Variants in FSCB observed in about 807,000 individuals in gnomAD.
The protein encoded by FSCB is fibrous sheath CABYR-binding protein.
For synonymous variants in FSCB, 331 were observed against 336.6 expected (o/e 0.98, Z 0.18); for missense variants, 975 against 934.8 (o/e 1.04, Z -0.56).
chr14:44,504,740 C>T lies in FSCB; in HGVS notation c.2248G>A (p.Glu750Lys), dbSNP rs189118258. 8.1e-6 allele frequency: 13 copies of T among 1,614,204 alleles called. No homozygotes were observed. In the East Asian group the frequency reaches 2.9e-4, roughly 36 times the overall value. The change falls in exon 1 of 1, where the codon GAG becomes AAG. Residue 750 changes from glutamate to lysine, a missense_variant. Transcript: ENST00000340446. ...GTAGACACATTCTCTACCAGAGCCTCATCTTCAGGGGTTTGTTCAGATGGT... is the reference window on the plus strand; with the variant it reads ...GTAGACACATTCTCTACCAGAGCCTTATCTTCAGGGGTTTGTTCAGATGGT... Reference protein sequence around the residue: ...PPPSEQTPEDEALVENVSTEF... With the variant: ...PPPSEQTPEDKALVENVSTEF...
chr14:44,504,753 T>G lies in FSCB; in HGVS notation c.2235A>C (p.Gln745His). 6.2e-7 allele frequency: 1 copy of G among 1,614,206 alleles called. No individual in the cohort carries two copies. The highest frequency in any genetic ancestry group is 8.5e-7 in the Non-Finnish European group (1 of 1,180,044). Residue 745 changes from glutamine to histidine, a missense_variant, in exon 1 of 1, where the codon CAA becomes CAC. Gln to His is a conservative substitution (Grantham distance 24, BLOSUM62 0). Coordinates refer to ENST00000340446, the MANE Select transcript of FSCB (RefSeq NM_032135.4). The part of the protein sequence containing the change: ...SAEVSPPPSE[Q>H]TPEDEALVEN... Reference sequence around the variant, plus strand: ...CTACCAGAGCCTCATCTTCAGGGGTTTGTTCAGATGGTGGAGGTGAAACTT... The same window carrying G: ...CTACCAGAGCCTCATCTTCAGGGGTGTGTTCAGATGGTGGAGGTGAAACTT...
the FSCB span, chr14:44,505,622 C>A: frequency 6.2e-7 from 1 of 1,613,444 alleles, no homozygotes; most frequent in East Asian, 2.2e-5. Context: ...GACTGAAATT[C>A]AGTAGGAGCC....
In FSCB at chr14:44,504,347, G is replaced by T; in HGVS notation, c.*163C>A. ...ATGAAATTAACACAAGTAATTTTAT[G>T]CTGCTACAGTTTTTATTGTTCATTT... On this transcript the variant is annotated 3_prime_UTR_variant, in exon 1 of 1. Coordinates refer to ENST00000340446, the MANE Select transcript of FSCB (RefSeq NM_032135.4). 1 of 474,230 alleles carries T rather than the reference G, an allele frequency of 2.1e-6. No homozygotes were observed. The highest frequency in any genetic ancestry group is 3.3e-5 in the East Asian group (1 of 30,728). The allele number at this position is 474,230 out of a possible 1,614,324, so 29.4% of individuals were successfully genotyped here.
chr14:44,505,308 C>A lies in FSCB; in HGVS notation c.1680G>T (p.Gln560His), dbSNP rs747361133. ...TSAEEAPAEV[Q>H]SPSAKGVSIE... ...TAGAAACTCCCTTAGCTGATGGAGA[C>A]TGAACTTCAGCAGGAGCCTCTTCTG... Residue 560 changes from glutamine to histidine, a missense_variant, in exon 1 of 1, where the codon CAG becomes CAT. Coordinates refer to ENST00000340446, the MANE Select transcript of FSCB (RefSeq NM_032135.4). The A allele has an allele frequency of 1.9e-6, 3 of 1,613,112 alleles. No homozygotes were observed. Among genetic ancestry groups the A allele is most frequent in the South Asian group, 2.2e-5 (2 of 91,028 alleles).
chr14:44,506,768 G>A, the FSCB span: 2,690 of 1,614,056 alleles, frequency 1.7e-3, 1 homozygote, highest in Non-Finnish European at 2.0e-3. Flanking sequence ...GTGTCTGTCT[G>A]GAGAGACTTA....
rs746081504 is a variant in FSCB at position 44,505,693 on chromosome 14, G to T, written c.1295C>A (p.Ala432Asp). The T allele has an allele frequency of 2.5e-6, 4 of 1,613,590 alleles. No homozygotes were observed. The African/African-American group carries it at 5.3e-5, about 22-fold the overall frequency. Residue 432 changes from alanine (A) to aspartate (D), a missense_variant, in exon 1 of 1, where the codon GCT becomes GAT. By Grantham distance (126) the Ala-to-Asp change is moderately radical. Coordinates refer to ENST00000340446, the MANE Select transcript of FSCB (RefSeq NM_032135.4). ...AAGTTCTCGAGCCTCTTCTCTAGGA[G>T]CCTCTTCAGGTAATAGAGGCTGAAC... Reference protein sequence around the residue: ...ADVQPLLPEEAPREEARELQL... With the variant: ...ADVQPLLPEEDPREEARELQL...
rs1309545677 is a variant in FSCB, at chr14:44,506,817, T to A, written c.171A>T (p.Gln57His). 1 of 1,614,108 alleles carries A rather than the reference T, an allele frequency of 6.2e-7. No homozygotes were observed. Among genetic ancestry groups the A allele is most frequent in the Non-Finnish European group, 8.5e-7 (1 of 1,179,960 alleles). Residue 57 changes from glutamine to histidine, a missense_variant, in exon 1 of 1, where the codon CAA becomes CAT. By Grantham distance (24) the Gln-to-His change is conservative (BLOSUM62 0). Transcript: ENST00000340446. ...GTCCATGCTTTCTCTTTGTCCAAGT[T>A]TGCTGAAGCTCAGAAGATACTCTAA... ...ESIRVSSELQQTWTKRKHGQE... is the reference protein window; with the variant it reads ...ESIRVSSELQHTWTKRKHGQE...
In FSCB at chr14:44,507,009, C is replaced by G. The variant is rs1881111492; in HGVS notation, c.-22G>C. 18 of 1,539,806 alleles carry G rather than the reference C, an allele frequency of 1.2e-5. No individual in the cohort carries two copies. Among genetic ancestry groups the G allele is most frequent in the Non-Finnish European group, 1.6e-5 (18 of 1,139,716 alleles). On this transcript the variant is annotated 5_prime_UTR_variant, in exon 1 of 1. Coordinates refer to ENST00000340446, the MANE Select transcript of FSCB (RefSeq NM_032135.4). The stretch of plus-strand genomic sequence containing the variant: ...CCATTGGTTTGCTGGGTCATCTTCT[C>G]TTTCGAATTTCTTGCCTACACGCTG...
Position 44,505,787 on chromosome 14 carries a change from C to A in FSCB, c.1201G>T (p.Ala401Ser), listed in dbSNP as rs770263941. The A allele has an allele frequency of 3.0e-5, 48 of 1,614,040 alleles. No individual in the cohort carries two copies. The highest frequency in any genetic ancestry group is 3.3e-4 in the Middle Eastern group (2 of 6,038). Residue 401 changes from alanine (A) to serine (S), a missense_variant, in exon 1 of 1, where the codon GCT (alanine) becomes TCT (serine). By Grantham distance (99) the Ala-to-Ser change is moderately conservative. Transcript: ENST00000340446. ...GGGGCCTCTTCAAGGGCGCCCTCAG[C>A]TGGTAAAGGCTGTACTTCAATGGGA... is the stretch of plus-strand genomic sequence containing the variant. Reference protein sequence around the residue: ...KAPIEVQPLPAEGALEEAPAK... With the variant: ...KAPIEVQPLPSEGALEEAPAK...
Position 44,506,698 on chromosome 14 carries a change from T to C in FSCB, c.290A>G (p.Lys97Arg). ...LVEETVVPEE[K>R]SADVREAAIE... ...AGCAGCTTCTCTAACATCAGCTGAC[T>C]TTTCTTCAGGTACCACGGTTTCCTC... Residue 97 changes from lysine to arginine, a missense_variant, in exon 1 of 1, where the codon AAG (lysine) becomes AGG (arginine). By Grantham distance (26) the Lys-to-Arg change is conservative. Transcript: ENST00000340446. 6.2e-7 allele frequency: 1 copy of C among 1,614,174 alleles called. No individual in the cohort carries two copies. The highest frequency in any genetic ancestry group is 1.3e-5 in the African/African-American group (1 of 75,058).
chr14:44,505,622 CA>C, the FSCB span: 1 of 1,613,444 alleles, frequency 6.2e-7, no homozygotes. Context: ...GACTGAAATT[CA>C]GTAGGAGCCT....
Position 44,506,042 on chromosome 14 carries a change from C to G in FSCB, c.946G>C (p.Val316Leu). ...GCCTCTTCAGCAGGTGGAGGCTGAACTTTAACAGAATTCTCCGCAACTGCA... is the reference window on the plus strand; with the variant it reads ...GCCTCTTCAGCAGGTGGAGGCTGAAGTTTAACAGAATTCTCCGCAACTGCA... Reference protein sequence around the residue: ...ATAVAENSVKVQPPPAEEAPL... With the variant: ...ATAVAENSVKLQPPPAEEAPL... Residue 316 changes from valine (V) to leucine (L), a missense_variant, in exon 1 of 1, where the codon GTT becomes CTT. Transcript: ENST00000340446. The G allele has an allele frequency of 6.2e-7, 1 of 1,614,172 alleles. No individual in the cohort carries two copies. Among genetic ancestry groups the G allele is most frequent in the Non-Finnish European group, 8.5e-7 (1 of 1,180,032 alleles).
rs750293647 is a variant in FSCB at position 44,506,949 on chromosome 14, T to C, written c.39A>G (p.Lys13=). The change falls in exon 1 of 1, where the codon AAA becomes AAG. Residue 13 remains lysine, a synonymous_variant. Transcript: ENST00000340446. ...GKSQQTDVIE[K]KKHMAIPKSS... ...ATTTTGGTATGGCCATGTGTTTCTT[T>C]TTCTCTATTACATCAGTTTGCTGGG... The C allele has an allele frequency of 3.1e-6, 5 of 1,596,892 alleles. No individual in the cohort carries two copies. The Admixed American group carries it at 8.5e-5, about 27-fold the overall frequency.
rs746007576 is a variant in FSCB at position 44,505,282 on chromosome 14, A to G, written c.1706T>C (p.Ile569Thr). The G allele has an allele frequency of 3.1e-6, 5 of 1,603,282 alleles. No homozygotes were observed. Among genetic ancestry groups the G allele is most frequent in the South Asian group, 2.2e-5 (2 of 90,604 alleles). The change falls in exon 1 of 1, where the codon ATA becomes ACA. Residue 569 changes from isoleucine (I) to threonine (T), a missense_variant. Ile to Thr is a moderately conservative substitution (Grantham distance 89). Transcript: ENST00000340446. ...VQSPSAKGVS[I>T]EEAPLELQPP... ...CTGAAGCTCAAGAGGGGCCTCTTCTATAGAAACTCCCTTAGCTGATGGAGA... is the reference window on the plus strand; with the variant it reads ...CTGAAGCTCAAGAGGGGCCTCTTCTGTAGAAACTCCCTTAGCTGATGGAGA...
chr14:44,506,623 G>C lies in FSCB; in HGVS notation c.365C>G (p.Pro122Arg), dbSNP rs1881097487. 1 of 1,613,948 alleles carries C rather than the reference G, an allele frequency of 6.2e-7. No homozygotes were observed. The highest frequency in any genetic ancestry group is 1.1e-5 in the South Asian group (1 of 91,070). Residue 122 changes from proline to arginine, a missense_variant, in exon 1 of 1, where the codon CCT becomes CGT. Transcript: ENST00000340446. Reference protein sequence around the residue: ...VQDVEIPPNIPSVQLKMDRSQ... With the variant: ...VQDVEIPPNIRSVQLKMDRSQ... ...TCTGTCCATTTTTAGTTGAACTGAA[G>C]GTATGTTTGGTGGAATTTCTACATC...
Position 44,506,555 on chromosome 14 carries a change from T to A in FSCB, c.433A>T (p.Ile145Phe), listed in dbSNP as rs762385492. 118 of 1,614,100 alleles carry A rather than the reference T, an allele frequency of 7.3e-5. No individual in the cohort carries two copies. The highest frequency in any genetic ancestry group is 9.7e-5 in the Non-Finnish European group (114 of 1,180,032). The change falls in exon 1 of 1, where the codon ATC becomes TTC. Residue 145 changes from isoleucine (I) to phenylalanine (F), a missense_variant. Physicochemically the swap from Ile to Phe is conservative, Grantham distance 21. Coordinates refer to ENST00000340446, the MANE Select transcript of FSCB (RefSeq NM_032135.4). ...TTGTCCACTTTTTCTACAGGGGGGA[T>A]GTTCATCATGGTCCAGTATCCTGTA... is the stretch of plus-strand genomic sequence containing the variant. ...SRTGYWTMMN[I>F]PPVEKVDKEQ...
the FSCB span, chr14:44,504,559 AT>A: frequency 1.2e-6 from 2 of 1,613,586 alleles, no homozygotes; most frequent in Non-Finnish European, 1.7e-6. Context: ...AACACTTTCT[AT>A]TTCAAGAGTG....
In FSCB at chr14:44,506,659, T is replaced by C. The variant is rs1309591902; in HGVS notation, c.329A>G (p.Glu110Gly). ...DVREAAIELP[E>G]SVQDVEIPPN... is the part of the protein sequence containing the mutation. ...TGGAATTTCTACATCCTGAACACTC[T>C]CTGGCAATTCAATAGCAGCTTCTCT... is the stretch of plus-strand genomic sequence containing the variant. The change falls in exon 1 of 1, where the codon GAG (glutamate) becomes GGG (glycine). Residue 110 changes from glutamate (E) to glycine (G), a missense_variant. Physicochemically the swap from Glu to Gly is moderately conservative, Grantham distance 98 (BLOSUM62 -2). Transcript: ENST00000340446. 5.6e-6 allele frequency: 9 copies of C among 1,614,072 alleles called. No individual in the cohort carries two copies. The highest frequency in any genetic ancestry group is 7.6e-6 in the Non-Finnish European group (9 of 1,180,040).
At position 44,506,308 on chromosome 14, in the gene FSCB, G is replaced by A. The variant is rs45478391; in HGVS notation, c.680C>T (p.Pro227Leu). 324,928 of 1,613,754 alleles carry A rather than the reference G, an allele frequency of 0.2. 36,525 individuals carry two copies. The highest frequency in any genetic ancestry group is 0.22 in the Non-Finnish European group (261,621 of 1,179,784). ...CCTAAGCTCATCTTCTAAAAGTACC[G>A]GGGGACCTTTTTTAGTCTCCTGAGT... The part of the protein sequence containing the change: ...SFTQETKKGP[P>L]VLLEDELREE... The change falls in exon 1 of 1, where the codon CCG becomes CTG. Residue 227 changes from proline to leucine, a missense_variant. Physicochemically the swap from Pro to Leu is moderately conservative, Grantham distance 98. Coordinates refer to ENST00000340446, the MANE Select transcript of FSCB (RefSeq NM_032135.4).
Sources: allele counts gnomAD v4.1 joint callset, GRCh38; gene constraint gnomAD v4.1.1; transcripts MANE v1.5; gene names NCBI Gene and HGNC (gene_info 2026-07-23, HGNC 2026-07-21).